The following PAM variants were observed in gnomAD, a reference collection of about 807,000 sequenced individuals.
PAM encodes peptidylglycine alpha-amidating monooxygenase.
Under a neutral mutation model 122.1 loss-of-function variants are expected in PAM, and 72 were observed. The observed-to-expected ratio is 0.59, with a 90% confidence interval of 0.49 to 0.72. PAM has a LOEUF of 0.72. PAM is among the 30% of genes least tolerant of loss of function. The pLI is 0.00. For synonymous variants in PAM, 389 were observed against 404.4 expected (o/e 0.96, Z 0.46); for missense variants, 1,106 against 1,183.7 (o/e 0.93, Z 0.96).
chr5:102,885,765 A>G (rs1307839159), intron 3 of PAM, among the ~76,000 whole-genome samples: 1 of 151,984 alleles, frequency 6.6e-6, no homozygotes, highest in African/African-American at 2.4e-5. Context: ...TCTAACCTTT[A>G]TTTAATGGGC....
intron 2 of PAM, 128 bp from the exon 3 acceptor site, chr5:102,867,145 A>G: frequency 5.1e-6 from 3 of 588,398 alleles, no homozygotes; most frequent in Non-Finnish European, 6.0e-6. Flanking sequence ...TAGTCATCAC[A>G]TCTTTAGAGT....
At chr5:102,769,863 G>T (rs987302322) in intron 1 of PAM, among the ~76,000 whole-genome samples, 6 of 151,904 alleles carry the variant, frequency 3.9e-5, no homozygotes, top group African/African-American at 1.4e-4. Flanking sequence ...ATAAATCTTA[G>T]GATTTTTTTT....
chr5:102,807,518 T>C (rs1476225526), intron 1 of PAM, among the ~76,000 whole-genome samples: 1 of 152,202 alleles, frequency 6.6e-6, no homozygotes, highest in African/African-American at 2.4e-5. Flanking sequence ...TCTGATTTTG[T>C]CTGGGTGTCA....
rs148314603 is a variant in PAM at position 102,954,564 on chromosome 5, C to T, written c.905+3744C>T. ...TAAATAGTAAATATGAATAATATAGCCTAAATAAAGTTGCACCAAAGTATT... is the reference window on the plus strand; with the variant it reads ...TAAATAGTAAATATGAATAATATAGTCTAAATAAAGTTGCACCAAAGTATT... On this transcript the variant is annotated intron_variant, in intron 12 of 25. Transcript: ENST00000438793. 5.5e-4 allele frequency among the ~76,000 whole-genome samples: 84 copies of T among 151,358 alleles called. No homozygotes were observed. The East Asian group carries it at 0.015, about 27-fold the overall frequency.
intron 3 of PAM, among the ~76,000 whole-genome samples, chr5:102,877,717 T>C (rs1789670191): frequency 6.6e-6 from 1 of 152,136 alleles, no homozygotes; most frequent in Non-Finnish European, 1.5e-5. Context: ...ATACCATCAC[T>C]GTCAAACATT....
At chr5:102,939,386 G>A (rs934261591) in intron 7 of PAM, among the ~76,000 whole-genome samples, 2 of 151,848 alleles carry the variant, frequency 1.3e-5, no homozygotes, top group Admixed American at 6.6e-5. Flanking sequence ...TTGCAAGTAC[G>A]TCTTATCCTT....
At position 102,926,794 on chromosome 5, in the gene PAM, C is replaced by G. The variant is rs958613666; in HGVS notation, c.526+126C>G. ...CCCTCTGCCCACTAGGGGATAACAGCTTTTGTTTCCTTTAATTTGGAACTG... is the reference window on the plus strand; with the variant it reads ...CCCTCTGCCCACTAGGGGATAACAGGTTTTGTTTCCTTTAATTTGGAACTG... On this transcript the variant is annotated intron_variant, in intron 7 of 25. Transcript: ENST00000438793. 4 of 565,784 alleles carry G rather than the reference C, an allele frequency of 7.1e-6. No homozygotes were observed. The African/African-American group carries it at 7.8e-5, about 11-fold the overall frequency. 35.0% of individuals were successfully genotyped at this position (565,784 alleles called of 1,614,324 possible).
chr5:103,017,324 A>C lies in PAM; in HGVS notation c.2332-10A>C. The C allele has an allele frequency of 1.9e-6, 3 of 1,572,136 alleles. No individual in the cohort carries two copies. The highest frequency in any genetic ancestry group is 2.6e-6 in the Non-Finnish European group (3 of 1,142,366). On this transcript the variant is annotated splice_polypyrimidine_tract_variant and intron_variant, in intron 21 of 25. Coordinates refer to ENST00000438793, the MANE Select transcript of PAM (RefSeq NM_001177306.2). ...TCACCACTCTAATGTGTAGCTTCTT[A>C]TTTTGGCAGCACTTTGATATGCCTC...
intron 14 of PAM, among the ~76,000 whole-genome samples, chr5:102,968,461 C>T (rs961428264): frequency 1.3e-5 from 2 of 151,916 alleles, no homozygotes; most frequent in Non-Finnish European, 2.9e-5. Flanking sequence ...CGTATTAAAC[C>T]GTATAAAGCA....
At chr5:102,867,498 A>G in intron 3 of PAM, 105 bp downstream of exon 3, 1 of 717,154 alleles carries the variant, frequency 1.4e-6, no homozygotes, top group Non-Finnish European at 2.2e-6. Flanking sequence ...AAACGTAGGC[A>G]TTTGCTTTCA....
chr5:102,922,583 A>C (rs182762531), intron 5 of PAM, among the ~76,000 whole-genome samples: 6 of 152,302 alleles, frequency 3.9e-5, no homozygotes, highest in Admixed American at 3.3e-4. Context: ...CCAACAAATG[A>C]CATAATCAAA....
chr5:102,764,751 C>T (rs1380661125), intron 1 of PAM, among the ~76,000 whole-genome samples: 1 of 152,202 alleles, frequency 6.6e-6, no homozygotes, highest in African/African-American at 2.4e-5. Flanking sequence ...GCTACTAGAA[C>T]AGCTTCCTTT....
chr5:102,924,243 C>A (rs1215368613), intron 5 of PAM, among the ~76,000 whole-genome samples: 1 of 151,800 alleles, frequency 6.6e-6, no homozygotes, highest in Non-Finnish European at 1.5e-5. Flanking sequence ...ACTAGCCTGG[C>A]CAACATGGTG....
intron 1 of PAM, among the ~76,000 whole-genome samples, chr5:102,772,114 G>A (rs1006602960): frequency 2.0e-5 from 3 of 152,098 alleles, no homozygotes; most frequent in Non-Finnish European, 4.4e-5. Context: ...TTTTGAAACA[G>A]GGATGTATTG....
Position 102,801,772 on chromosome 5 carries a change from A to ATTT in PAM, c.-374+46446_-374+46448dup, listed in dbSNP as rs36068804. ...CTTATTTGTATCCTAGGGAAAAGGT[A>ATTT]TTTTTTTTTTTTTTTTTTTTTTTTG... On this transcript the variant is annotated intron_variant, in intron 1 of 25. Transcript: ENST00000438793. 6.9e-3 allele frequency among the ~76,000 whole-genome samples: 678 copies of ATTT among 98,950 alleles called. 22 individuals are homozygous for ATTT. Among genetic ancestry groups the ATTT allele is most frequent in the South Asian group, 0.029 (83 of 2,878 alleles). 64.9% of individuals were successfully genotyped at this position (98,950 alleles called of 152,430 possible). A position where few individuals can be genotyped will look rare whatever the true frequency, so the allele number is the denominator to read the frequency against.
At chr5:102,793,000 C>T (rs879352460) in intron 1 of PAM, among the ~76,000 whole-genome samples, 1 of 152,166 alleles carries the variant, frequency 6.6e-6, no homozygotes, top group African/African-American at 2.4e-5. Flanking sequence ...AAAATCTCCC[C>T]TTTGGCATCA....
At chr5:102,914,568 A>G (rs1405954139) in intron 5 of PAM, among the ~76,000 whole-genome samples, 1 of 152,104 alleles carries the variant, frequency 6.6e-6, no homozygotes, top group Admixed American at 6.6e-5. Context: ...CCCGAAGAGC[A>G]TCATGGTTCT....
Position 103,023,510 on chromosome 5 carries a change from A to G in PAM, c.2486-1621A>G, listed in dbSNP as rs561090508. On this transcript the variant is annotated intron_variant, in intron 23 of 25. Coordinates refer to ENST00000438793, the MANE Select transcript of PAM (RefSeq NM_001177306.2). ...TATATCTTTCCTATAGCAACCAAAAAAAAAAAAAAGACAAATGAGTGGTCA... is the reference window on the plus strand; with the variant it reads ...TATATCTTTCCTATAGCAACCAAAAGAAAAAAAAAGACAAATGAGTGGTCA... Among the ~76,000 whole-genome samples, 187 of 152,032 alleles carry G rather than the reference A, an allele frequency of 1.2e-3. 1 individual carries two copies. Among genetic ancestry groups the G allele is most frequent in the African/African-American group, 4.3e-3 (179 of 41,528 alleles).
chr5:102,864,907 A>G (rs1785101334), intron 1 of PAM, among the ~76,000 whole-genome samples: 1 of 152,230 alleles, frequency 6.6e-6, no homozygotes, highest in African/African-American at 2.4e-5. Context: ...CAAAATATGA[A>G]TATTTTCAAG....
Sources: allele counts gnomAD v4.1 joint callset (sites outside exome capture counted in the v4.1 genomes callset), GRCh38; gene constraint gnomAD v4.1.1; transcripts MANE v1.5; gene names NCBI Gene and HGNC (gene_info 2026-07-23, HGNC 2026-07-21).